The following NT5E variants were observed in gnomAD, a reference collection of about 807,000 sequenced individuals.
NT5E encodes the protein 5'-nucleotidase ecto, also known as 5'-nucleotidase.
In NT5E, 53 loss-of-function variants were observed where a neutral mutation model predicts 55.1. That is an observed-to-expected ratio of 0.96 (90% CI 0.77 to 1.21). The LOEUF (loss-of-function observed/expected upper bound fraction) is 1.21, where lower values mean the gene tolerates loss of function less well. Among genes scored for constraint, NT5E ranks in the 50% most tolerant of loss-of-function variants. The pLI is 0.00. For missense variants in NT5E, 683 were observed against 724.3 expected, an observed-to-expected ratio of 0.94 and a Z score of 0.65; for synonymous variants, 270 against 278.4, an observed-to-expected ratio of 0.97 and a Z score of 0.30.
At chr6:85,455,496 G>T (rs574558373) in intron 1 of NT5E, among the ~76,000 whole-genome samples, 1 of 152,198 alleles carries the variant, frequency 6.6e-6, no homozygotes, top group South Asian at 2.1e-4. Context: ...ACCCAGGTAG[G>T]GCATGAAAGC....
chr6:85,488,102 A>G (rs1178825617), intron 5 of NT5E, among the ~76,000 whole-genome samples: 1 of 152,218 alleles, frequency 6.6e-6, no homozygotes, highest in Non-Finnish European at 1.5e-5. Context: ...AGGCACAGAA[A>G]GACAACACAC....
At chr6:85,455,369 C>T (rs1200175515) in intron 1 of NT5E, among the ~76,000 whole-genome samples, 1 of 152,152 alleles carries the variant, frequency 6.6e-6, no homozygotes, top group African/African-American at 2.4e-5. Context: ...TTCGGTACCA[C>T]CCACCAAAGT....
chr6:85,481,730 G>A (rs774717763), intron 3 of NT5E, among the ~76,000 whole-genome samples: 5 of 152,342 alleles, frequency 3.3e-5, no homozygotes, highest in East Asian at 3.9e-4. Context: ...TGAAGCTGGC[G>A]TGATAAGAAA....
In NT5E at chr6:85,450,551, G is replaced by T; in HGVS notation, c.339+73G>T. ...GAGCCGGGCTGGAAAAGCAGCGGAT[G>T]GCAGAGTGTGGCAAGCCTAGGTCCA... On this transcript the variant is annotated intron_variant, in intron 1 of 8. Transcript: ENST00000257770. The surrounding 1 kb of genome is among the most constrained non-coding windows in gnomAD (Gnocchi z 4.0). 1 of 1,373,490 alleles carries T rather than the reference G, an allele frequency of 7.3e-7. No individual in the cohort carries two copies. Among genetic ancestry groups the T allele is most frequent in the South Asian group, 1.2e-5 (1 of 80,182 alleles). 85.1% of individuals were successfully genotyped at this position (1,373,490 alleles called of 1,614,324 possible).
At chr6:85,477,239 C>T (rs145206437) in intron 3 of NT5E, among the ~76,000 whole-genome samples, 169 of 152,196 alleles carry the variant, frequency 1.1e-3, no homozygotes, top group African/African-American at 3.5e-3. Flanking sequence ...TTGACTGTGT[C>T]GCGGCTGACA....
At chr6:85,464,693 A>G (rs1378275251) in intron 1 of NT5E, among the ~76,000 whole-genome samples, 1 of 152,200 alleles carries the variant, frequency 6.6e-6, no homozygotes, top group African/African-American at 2.4e-5. Context: ...CAATATAAAG[A>G]ATAGTTTAGC....
chr6:85,465,543 G>A (rs1769176566), intron 1 of NT5E, among the ~76,000 whole-genome samples: 1 of 152,212 alleles, frequency 6.6e-6, no homozygotes, highest in South Asian at 2.1e-4. Flanking sequence ...ATAACAGGAA[G>A]AGGTAAAAAT....
intron 3 of NT5E, among the ~76,000 whole-genome samples, chr6:85,476,318 C>T (rs1292622604): frequency 1.3e-5 from 2 of 152,196 alleles, no homozygotes; most frequent in Admixed American, 6.5e-5. Context: ...TTGACCCCTT[C>T]GTGGGACTCA....
intron 2 of NT5E, among the ~76,000 whole-genome samples, chr6:85,470,791 T>C (rs181538638): frequency 1.4e-4 from 22 of 152,350 alleles, no homozygotes; most frequent in African/African-American, 5.3e-4. Context: ...CATATTAAAA[T>C]AGGCATTCAA....
Position 85,493,936 on chromosome 6 carries a change from C to T in NT5E, c.1657C>T (p.His553Tyr). The T allele has an allele frequency of 3.7e-6, 6 of 1,614,102 alleles. No individual in the cohort carries two copies. Among genetic ancestry groups the T allele is most frequent in the Non-Finnish European group, 5.1e-6 (6 of 1,179,970 alleles). The change falls in exon 9 of 9, where the codon CAC becomes TAC. Residue 553 changes from histidine to tyrosine, a missense_variant. Physicochemically the swap from His to Tyr is moderately conservative, Grantham distance 83 (BLOSUM62 2). Transcript: ENST00000257770. The part of the protein sequence containing the change: ...EGRIKFSTGS[H>Y]CHGSFSLIFL... ...TCGGATCAAGTTTTCCACAGGAAGT[C>T]ACTGCCATGGAAGCTTTTCTTTAAT...
At position 85,495,584 on chromosome 6, in the gene NT5E, T is replaced by C. The variant is rs1358639080; in HGVS notation, c.*1580T>C. On this transcript the variant is annotated 3_prime_UTR_variant, in exon 9 of 9. Coordinates refer to ENST00000257770, the MANE Select transcript of NT5E (RefSeq NM_002526.4). Reference sequence around the variant, plus strand: ...GCTATAAAAAATGTCAATAAGATTGTACAAGGAAAATTAGAGAAAGTCACA... The same window carrying C: ...GCTATAAAAAATGTCAATAAGATTGCACAAGGAAAATTAGAGAAAGTCACA... 2 of 152,220 alleles carry C rather than the reference T, an allele frequency of 1.3e-5. No individual in the cohort carries two copies. Among genetic ancestry groups the C allele is most frequent in the Non-Finnish European group, 2.9e-5 (2 of 68,038 alleles). The allele number at this position is 152,220 out of a possible 1,614,324, so 9.4% of individuals were successfully genotyped here.
rs1562143891 is a variant in NT5E at position 85,484,238 on chromosome 6, A to G, written c.752-997A>G. On this transcript the variant is annotated intron_variant, in intron 3 of 8. Transcript: ENST00000257770. ...TAGAAACAGTAATGGGGTCAAATGA[A>G]TCTGTCCCATAGTCTCTAATTTGAA... Among the ~76,000 whole-genome samples the G allele has an allele frequency of 3.3e-5, 5 of 152,206 alleles. No homozygotes were observed. In the South Asian group the frequency reaches 1.0e-3, roughly 32 times the overall value.
chr6:85,493,785 A>G, intron 8 of NT5E, 56 bp from the exon 9 acceptor site: 3 of 1,458,004 alleles, frequency 2.1e-6, no homozygotes, highest in Non-Finnish European at 1.9e-6. Context: ...GGACTACCTT[A>G]CTGTTGATTG....
rs1769798317 is a variant in NT5E at position 85,492,125 on chromosome 6, T to C, written c.1509T>C (p.Asn503=). The C allele has an allele frequency of 1.9e-6, 3 of 1,614,094 alleles. No individual in the cohort carries two copies. The highest frequency in any genetic ancestry group is 2.5e-6 in the Non-Finnish European group (3 of 1,179,982). Residue 503 remains asparagine, a synonymous_variant, in exon 8 of 9, where the codon AAT becomes AAC. Transcript: ENST00000257770. ...YKVILPNFLA[N]GGDGFQMIKD... ...TGATCCTCCCAAACTTCCTGGCCAA[T>C]GGTGGAGATGGGTTCCAGATGATAA...
intron 7 of NT5E, 33 bp from the exon 8 acceptor site, chr6:85,491,944 G>A (rs1237148964): frequency 1.3e-6 from 2 of 1,593,284 alleles, no homozygotes; most frequent in Non-Finnish European, 1.7e-6. Flanking sequence ...TCTCCCTTTG[G>A]ATCTGGTGAA....
chr6:85,459,054 T>G (rs1212302796), intron 1 of NT5E, among the ~76,000 whole-genome samples: 1 of 152,112 alleles, frequency 6.6e-6, no homozygotes, highest in Middle Eastern at 3.2e-3. Context: ...CAAATGTAAT[T>G]TGTAATCCTC....
At chr6:85,472,776 T>C (rs755202617) in intron 3 of NT5E, among the ~76,000 whole-genome samples, 2 of 152,214 alleles carry the variant, frequency 1.3e-5, no homozygotes, top group Non-Finnish European at 2.9e-5. Context: ...AAAATACCAG[T>C]ATGAATGTGT....
At chr6:85,470,058 G>T (rs933234685) in intron 2 of NT5E, among the ~76,000 whole-genome samples, 2 of 152,156 alleles carry the variant, frequency 1.3e-5, no homozygotes, top group African/African-American at 4.8e-5. Context: ...TCCTTCCCTT[G>T]TTTAGTGTTA....
chr6:85,474,724 T>C (rs1053178731), intron 3 of NT5E, among the ~76,000 whole-genome samples: 1 of 151,990 alleles, frequency 6.6e-6, no homozygotes, highest in Non-Finnish European at 1.5e-5. Context: ...AGCCCAGGAG[T>C]TCGAGACCGG....
Sources: allele counts gnomAD v4.1 joint callset (sites outside exome capture counted in the v4.1 genomes callset), GRCh38; gene constraint gnomAD v4.1.1; non-coding constraint Gnocchi (gnomAD v3.1); transcripts MANE v1.5; gene names NCBI Gene and HGNC (gene_info 2026-07-23, HGNC 2026-07-21).